RAB11B: variants seen among roughly 807,000 people sequenced by gnomAD.
RAB11B encodes ras-related protein Rab-11B.
In RAB11B, 7 loss-of-function variants were observed where a neutral mutation model predicts 23.7. The ratio of observed to expected loss-of-function variants is 0.29; its 90% CI spans 0.17 to 0.55. RAB11B has a LOEUF of 0.55. RAB11B is among the 20% of genes least tolerant of loss of function. The probability of loss-of-function intolerance (pLI) is 0.93; values close to 1 mark genes in which losing one functional copy is unlikely to be tolerated. For missense variants in RAB11B, 189 were observed against 320.0 expected (o/e 0.59, Z 3.12); for synonymous variants, 138 against 132.0 (o/e 1.05, Z -0.31).
chr19:8,397,669 G>A (rs561391095), intron 1 of RAB11B, among the ~76,000 whole-genome samples: 9 of 152,076 alleles, frequency 5.9e-5, no homozygotes, highest in East Asian at 3.9e-4. Context: ...AATTCCAAAC[G>A]TGTAGGTACA....
At position 8,403,939 on chromosome 19, in the gene RAB11B, C is replaced by T. The variant is rs1971459368; in HGVS notation, c.*381C>T. The stretch of plus-strand genomic sequence containing the variant: ...TCCGTGACCGGGTGGCCCAGCCAGC[C>T]CGTCGTCCCCACCCAGAACCGTGCT... On this transcript the variant is annotated 3_prime_UTR_variant, in exon 5 of 5. Transcript: ENST00000328024. 1 of 185,460 alleles carries T rather than the reference C, an allele frequency of 5.4e-6. No individual in the cohort carries two copies. 11.5% of individuals were successfully genotyped at this position (185,460 alleles called of 1,614,324 possible). A position where few individuals can be genotyped will look rare whatever the true frequency, so the allele number is the denominator to read the frequency against.
rs8107834 is a variant in RAB11B at position 8,402,690 on chromosome 19, T to G, written c.511+125T>G. 0.99 allele frequency: 753,277 copies of G among 763,752 alleles called. 371,881 individuals carry two copies. Among genetic ancestry groups the G allele is most frequent in the East Asian group, 1 (36,958 of 36,958 alleles). The allele number at this position is 763,752 out of a possible 1,614,324, so 47.3% of individuals were successfully genotyped here. On this transcript the variant is annotated intron_variant, in intron 4 of 4. Coordinates refer to ENST00000328024, the MANE Select transcript of RAB11B (RefSeq NM_004218.4). Reference sequence around the variant, plus strand: ...CTTTTTTTTGTCGGGGCAGGATGGATTTTTGCTCTTTGCCCAGGCTGGAGT... The same window carrying G: ...CTTTTTTTTGTCGGGGCAGGATGGAGTTTTGCTCTTTGCCCAGGCTGGAGT...
At chr19:8,400,897 T>A (rs1243227745) in intron 2 of RAB11B, among the ~76,000 whole-genome samples, 1 of 151,622 alleles carries the variant, frequency 6.6e-6, no homozygotes, top group East Asian at 1.9e-4. Flanking sequence ...TGTCGCCTCC[T>A]CTTTTTTGGA....
At position 8,402,233 on chromosome 19, in the gene RAB11B, G is replaced by A. The variant is rs754017718; in HGVS notation, c.384G>A (p.Leu128=). The part of the protein sequence containing the change: ...VIMLVGNKSD[L]RHLRAVPTDE... ...TGCTGGTGGGCAACAAGAGTGACCTGCGCCACCTGCGGGCTGTGCCCACTG... is the reference window on the plus strand; with the variant it reads ...TGCTGGTGGGCAACAAGAGTGACCTACGCCACCTGCGGGCTGTGCCCACTG... The change falls in exon 3 of 5, where the codon CTG becomes CTA. Residue 128 remains leucine (L), a synonymous_variant. Transcript: ENST00000328024. 2 of 1,569,460 alleles carry A rather than the reference G, an allele frequency of 1.3e-6. No homozygotes were observed. The highest frequency in any genetic ancestry group is 1.2e-5 in the South Asian group (1 of 86,030).
At position 8,400,878 on chromosome 19, in the gene RAB11B, G is replaced by A. The variant is rs114420252; in HGVS notation, c.236+820G>A. Among the ~76,000 whole-genome samples, 752 of 151,080 alleles carry A rather than the reference G, an allele frequency of 5.0e-3. 8 individuals are homozygous for A. Among genetic ancestry groups the A allele is most frequent in the African/African-American group, 0.017 (705 of 41,076 alleles). On this transcript the variant is annotated intron_variant, in intron 2 of 4. Transcript: ENST00000328024. ...GAGATTACAGGTGGCGTGAGCCACC[G>A]TGCCTGGCTGTCGCCTCCTCTTTTT... is the stretch of plus-strand genomic sequence containing the variant.
intron 1 of RAB11B, among the ~76,000 whole-genome samples, chr19:8,391,362 CCAA>C (rs1200021533): frequency 6.6e-6 from 1 of 152,200 alleles, no homozygotes; most frequent in Non-Finnish European, 1.5e-5. Flanking sequence ...GGTTGTTGGA[CCAA>C]CTTCTTCCAA....
intron 2 of RAB11B, among the ~76,000 whole-genome samples, chr19:8,400,620 C>A (rs937511488): frequency 1.1e-4 from 16 of 149,136 alleles, no homozygotes; most frequent in African/African-American, 3.7e-4. Flanking sequence ...GAGTTTCACT[C>A]TTGTCGCCCA....
intron 4 of RAB11B, among the ~76,000 whole-genome samples, chr19:8,403,162 C>G (rs1971451563): frequency 6.6e-6 from 1 of 152,148 alleles, no homozygotes; most frequent in African/African-American, 2.4e-5. Context: ...GGACCTGGAG[C>G]CTTTTGGCTT....
chr19:8,391,559 TAC>T (rs143347584), intron 1 of RAB11B, among the ~76,000 whole-genome samples: 8,007 of 152,278 alleles, frequency 0.053, 281 homozygotes, highest in South Asian at 0.1. Context: ...TGTGCCCAGC[TAC>T]ACTTTGGCCT....
chr19:8,400,650 G>A (rs1308732305), intron 2 of RAB11B, among the ~76,000 whole-genome samples: 17 of 147,186 alleles, frequency 1.2e-4, no homozygotes, highest in Admixed American at 2.7e-4. Context: ...GCGATGGCAC[G>A]ATCTCGGCTC....
intron 1 of RAB11B, among the ~76,000 whole-genome samples, chr19:8,395,797 C>A (rs759007224): frequency 3.9e-5 from 6 of 152,162 alleles, no homozygotes; most frequent in Non-Finnish European, 8.8e-5. Context: ...CAATGCCCAC[C>A]CCATAAGGCA....
At chr19:8,399,279 G>A (rs1366362694) in intron 1 of RAB11B, among the ~76,000 whole-genome samples, 2 of 152,082 alleles carry the variant, frequency 1.3e-5, no homozygotes, top group Non-Finnish European at 2.9e-5. Context: ...ATAGAGACGG[G>A]ATTTCACCAT....
At position 8,403,549 on chromosome 19, in the gene RAB11B, G is replaced by C; in HGVS notation, c.648G>C (p.Gln216His). The change falls in exon 5 of 5, where the codon CAG becomes CAC. Residue 216 changes from glutamine (Q) to histidine (H), a missense_variant. Gln to His is a conservative substitution (Grantham distance 24). Coordinates refer to ENST00000328024, the MANE Select transcript of RAB11B (RefSeq NM_004218.4). The stretch of plus-strand genomic sequence containing the variant: ...AGCCCAACAAGCTGCAGTGCTGCCA[G>C]AACCTGTGACCCCTGCGCCTCCACC... ...GQKPNKLQCC[Q>H]NL 6.2e-7 allele frequency: 1 copy of C among 1,612,926 alleles called. No homozygotes were observed. Among genetic ancestry groups the C allele is most frequent in the Non-Finnish European group, 8.5e-7 (1 of 1,179,228 alleles).
intron 1 of RAB11B, among the ~76,000 whole-genome samples, chr19:8,391,281 CAGGCCACCTGT>C: frequency 1.3e-5 from 2 of 152,344 alleles, no homozygotes; most frequent in Middle Eastern, 6.8e-3. Flanking sequence ...CGATTGAGCC[CAGGCCACCTGT>C]AGGCCTTACC....
chr19:8,390,559 G>A, intron 1 of RAB11B, 103 bp downstream of exon 1: 2 of 1,236,054 alleles, frequency 1.6e-6, no homozygotes, highest in East Asian at 3.2e-5. Context: ...CGGAGCCCGG[G>A]GCTTGGGGCC....
At chr19:8,399,752 C>A in intron 1 of RAB11B, 111 bp from the exon 2 acceptor site, 1 of 1,266,924 alleles carries the variant, frequency 7.9e-7, no homozygotes, top group African/African-American at 1.5e-5. Flanking sequence ...CTCGACTCCT[C>A]CACACCGTTG....
chr19:8,391,881 C>A (rs942105130), intron 1 of RAB11B, among the ~76,000 whole-genome samples: 2 of 151,890 alleles, frequency 1.3e-5, no homozygotes, highest in African/African-American at 4.8e-5. Context: ...AGTGCCTCTA[C>A]AAGGGCCTAG....
At chr19:8,391,505 C>T in intron 1 of RAB11B, among the ~76,000 whole-genome samples, 1 of 152,230 alleles carries the variant, frequency 6.6e-6, no homozygotes, top group Admixed American at 6.5e-5. Context: ...CATTTAGGGA[C>T]AGCTGGAGGA....
intron 1 of RAB11B, among the ~76,000 whole-genome samples, chr19:8,394,773 T>C (rs551073713): frequency 1.9e-4 from 29 of 152,170 alleles, no homozygotes; most frequent in Admixed American, 5.2e-4. Context: ...CTACTAAAAA[T>C]ACAAAAATTA....
Sources: gnomAD v4.1 joint callset for allele counts (sites outside exome capture counted in the v4.1 genomes callset) on GRCh38, gnomAD v4.1.1 for gene constraint, MANE v1.5 for transcripts, NCBI Gene and HGNC (gene_info 2026-07-23, HGNC 2026-07-21) for gene names.